Variants in KRAS observed in about 807,000 individuals in gnomAD.
KRAS encodes the protein GTPase KRas.
Under a neutral mutation model 21.0 loss-of-function variants are expected in KRAS, and 1 was observed. The ratio of observed to expected loss-of-function variants is 0.05; its 90% CI spans 0.02 to 0.23. The LOEUF (loss-of-function observed/expected upper bound fraction) is 0.23, where lower values mean the gene tolerates loss of function less well. KRAS is among the 10% of genes least tolerant of loss of function. The pLI, the probability that KRAS is intolerant of heterozygous loss-of-function variation, is 1.00. For missense variants in KRAS, 107 were observed against 221.8 expected (o/e 0.48, Z 3.29); for synonymous variants, 67 against 72.5 (o/e 0.92, Z 0.39).
chr12:25,238,623 A>G (rs536355853), intron 2 of KRAS, among the ~76,000 whole-genome samples: 4 of 152,282 alleles, frequency 2.6e-5, no homozygotes, highest in Admixed American at 6.5e-5. Context: ...AAAACACAAC[A>G]AAGGATGAGG....
Position 25,240,436 on chromosome 12 carries a change from T to C in KRAS, c.111+4838A>G, listed in dbSNP as rs61761089. Among the ~76,000 whole-genome samples, 1,018 of 152,298 alleles carry C rather than the reference T, an allele frequency of 6.7e-3. 8 individuals carry two copies. Among genetic ancestry groups the C allele is most frequent in the Non-Finnish European group, 9.9e-3 (675 of 68,022 alleles). ...TCCATGAAGTTCCGAAAAGTAAAAC[T>C]TGAATTTGCCATGTACTGAGTACTA... On this transcript the variant is annotated intron_variant, in intron 2 of 4. Coordinates refer to ENST00000311936, the MANE Select transcript of KRAS (RefSeq NM_004985.5).
intron 2 of KRAS, among the ~76,000 whole-genome samples, chr12:25,236,128 G>C (rs1262290241): frequency 1.3e-5 from 2 of 152,016 alleles, no homozygotes; most frequent in African/African-American, 4.8e-5. Context: ...AGAGGCCTTA[G>C]AATAAGCACC....
intron 3 of KRAS, among the ~76,000 whole-genome samples, chr12:25,226,541 G>A (rs1437275987): frequency 1.3e-5 from 2 of 152,028 alleles, no homozygotes; most frequent in Non-Finnish European, 2.9e-5. Context: ...TCTATTACTA[G>A]ACTATACAGT....
At chr12:25,236,781 G>A (rs1236111651) in intron 2 of KRAS, among the ~76,000 whole-genome samples, 2 of 152,004 alleles carry the variant, frequency 1.3e-5, no homozygotes, top group Non-Finnish European at 2.9e-5. Flanking sequence ...GAAATACTTA[G>A]GTAAAATTGT....
rs547078411 is a variant in KRAS, at chr12:25,209,192, T to C, written c.*603A>G. The C allele has an allele frequency of 4.5e-6, 3 of 665,342 alleles. No homozygotes were observed. The highest frequency in any genetic ancestry group is 2.7e-5 in the East Asian group (1 of 36,564). The allele number at this position is 665,342 out of a possible 1,614,324, so 41.2% of individuals were successfully genotyped here. A position where few individuals can be genotyped will look rare whatever the true frequency, so the allele number is the denominator to read the frequency against. ...ATTTTTTTCCATTTTTTTCTTTTTA[T>C]AGAAAAAATATAATATTTTGGGGAG... On this transcript the variant is annotated 3_prime_UTR_variant, in exon 5 of 5. Transcript: ENST00000311936.
intron 2 of KRAS, among the ~76,000 whole-genome samples, chr12:25,233,635 T>G (rs895675813): frequency 6.6e-6 from 1 of 152,236 alleles, no homozygotes; most frequent in African/African-American, 2.4e-5. Context: ...CTTCATAGCA[T>G]GTATTATAAT....
intron 2 of KRAS, among the ~76,000 whole-genome samples, chr12:25,237,924 G>T (rs1338358160): frequency 2.6e-5 from 4 of 152,114 alleles, no homozygotes; most frequent in Non-Finnish European, 5.9e-5. Context: ...TGCAAAACTG[G>T]TCACCATATT....
intron 4 of KRAS, among the ~76,000 whole-genome samples, chr12:25,214,091 C>T (rs1951227999): frequency 6.6e-6 from 1 of 152,084 alleles, no homozygotes; most frequent in Non-Finnish European, 1.5e-5. Context: ...AGGAAGGGCT[C>T]CATGCCTAGT....
In KRAS at chr12:25,207,427, T is replaced by C. The variant is rs1375154918; in HGVS notation, c.*2368A>G. 1 of 188,552 alleles carries C rather than the reference T, an allele frequency of 5.3e-6. No individual in the cohort carries two copies. The highest frequency in any genetic ancestry group is 1.1e-5 in the Non-Finnish European group (1 of 89,902). 11.7% of individuals were successfully genotyped at this position (188,552 alleles called of 1,614,324 possible). ...TACTCAGGAGGCCGAGGCACGAGAATCGCTTGAACCTGGGAGATGGAGGTT... is the reference window on the plus strand; with the variant it reads ...TACTCAGGAGGCCGAGGCACGAGAACCGCTTGAACCTGGGAGATGGAGGTT... On this transcript the variant is annotated 3_prime_UTR_variant, in exon 5 of 5. Coordinates refer to ENST00000311936, the MANE Select transcript of KRAS (RefSeq NM_004985.5).
chr12:25,225,807 T>C (rs1951385575), intron 3 of KRAS, 34 bp from the exon 4 acceptor site: 2 of 1,589,086 alleles, frequency 1.3e-6, no homozygotes, highest in African/African-American at 2.7e-5. Flanking sequence ...GCACAGTCAT[T>C]AGTAACACAA....
intron 4 of KRAS, among the ~76,000 whole-genome samples, chr12:25,211,981 T>C (rs1220783879): frequency 6.6e-6 from 1 of 152,176 alleles, no homozygotes; most frequent in African/African-American, 2.4e-5. Flanking sequence ...TACAATACCA[T>C]CAAGGTTTGA....
intron 2 of KRAS, among the ~76,000 whole-genome samples, chr12:25,229,082 A>C (rs1951432484): frequency 6.6e-6 from 1 of 152,158 alleles, no homozygotes; most frequent in Non-Finnish European, 1.5e-5. Context: ...AAAACAAATG[A>C]AAGAAAACTA....
chr12:25,230,740 T>C (rs1951456808), intron 2 of KRAS, among the ~76,000 whole-genome samples: 1 of 152,238 alleles, frequency 6.6e-6, no homozygotes, highest in South Asian at 2.1e-4. Context: ...TATTAGACTA[T>C]AATTTTGTGC....
intron 2 of KRAS, among the ~76,000 whole-genome samples, chr12:25,237,664 C>G (rs904953281): frequency 2.0e-5 from 3 of 152,176 alleles, no homozygotes; most frequent in African/African-American, 7.2e-5. Context: ...TATCTCACAT[C>G]TTCTCTAAGC....
chr12:25,223,892 C>T (rs1286065111), intron 4 of KRAS, among the ~76,000 whole-genome samples: 1 of 151,846 alleles, frequency 6.6e-6, no homozygotes, highest in Non-Finnish European at 1.5e-5. Context: ...CCAGAAAAAG[C>T]CCTAAACAAA....
intron 2 of KRAS, among the ~76,000 whole-genome samples, chr12:25,232,001 AC>A (rs61761156): frequency 4.6e-5 from 7 of 151,776 alleles, no homozygotes; most frequent in Non-Finnish European, 7.4e-5. Flanking sequence ...TGGTTCCAAG[AC>A]CCCCCCAGCC....
chr12:25,239,861 G>A (rs924653141), intron 2 of KRAS, among the ~76,000 whole-genome samples: 2 of 152,012 alleles, frequency 1.3e-5, no homozygotes, highest in African/African-American at 4.8e-5. Flanking sequence ...GCTGAGGCAG[G>A]AGAATGGCTG....
intron 4 of KRAS, among the ~76,000 whole-genome samples, chr12:25,216,902 T>C (rs2141491386): frequency 6.6e-6 from 1 of 152,334 alleles, no homozygotes; most frequent in East Asian, 1.9e-4. Context: ...GATGTAATAT[T>C]ATGTTCATTC....
At chr12:25,225,074 G>GA (rs1951373412) in intron 4 of KRAS, 1 of 151,690 alleles carries the variant, frequency 6.6e-6, no homozygotes, top group Non-Finnish European at 1.5e-5. Context: ...ATTTTTGTCA[G>GA]AAAAATGCAT....
Sources: allele counts gnomAD v4.1 joint callset (sites outside exome capture counted in the v4.1 genomes callset), GRCh38; gene constraint gnomAD v4.1.1; transcripts MANE v1.5; gene names NCBI Gene and HGNC (gene_info 2026-07-23, HGNC 2026-07-21).